The following NAV2 variants were observed in gnomAD, a reference collection of about 807,000 sequenced individuals.
NAV2 encodes the protein neuron navigator 2, also known as helicase, APC down-regulated 1.
Under a neutral mutation model 223.2 loss-of-function variants are expected in NAV2, and 54 were observed. The observed-to-expected ratio is 0.24, with a 90% CI of 0.19 to 0.30. The LOEUF (loss-of-function observed/expected upper bound fraction) is 0.30, where lower values mean the gene tolerates loss of function less well. NAV2 is among the 10% of genes least tolerant of loss of function. The probability of loss-of-function intolerance (pLI) is 1.00; values close to 1 mark genes in which losing one functional copy is unlikely to be tolerated. For missense variants in NAV2, 2,806 were observed against 3,147.5 expected, an observed-to-expected ratio of 0.89 and a Z score of 2.60; for synonymous variants, 1,279 against 1,239.3, an observed-to-expected ratio of 1.03 and a Z score of -0.67.
chr11:19,656,028 G>A (rs2048115402), intron 1 of NAV2, among the ~76,000 whole-genome samples: 1 of 152,164 alleles, frequency 6.6e-6, no homozygotes, highest in Admixed American at 6.5e-5. Flanking sequence ...GCCTCTGCTG[G>A]GGGATTGGGA....
At chr11:19,977,909 A>G (rs1403784772) in intron 10 of NAV2, among the ~76,000 whole-genome samples, 1 of 150,406 alleles carries the variant, frequency 6.6e-6, no homozygotes, top group Admixed American at 6.6e-5. Flanking sequence ...GGTTCAAGCA[A>G]TTCTCCTGCT....
chr11:20,095,646 A>G (rs761351810), intron 29 of NAV2, 26 bp from the exon 30 acceptor site: 3 of 1,531,628 alleles, frequency 2.0e-6, no homozygotes, highest in Non-Finnish European at 1.8e-6. Flanking sequence ...CCTGTTTTTC[A>G]CCTGTGTACA....
At chr11:19,581,443 A>C (rs1213878120) in intron 1 of NAV2, among the ~76,000 whole-genome samples, 1 of 152,180 alleles carries the variant, frequency 6.6e-6, no homozygotes, top group East Asian at 1.9e-4. Flanking sequence ...ATATGTATAC[A>C]TGTGCCATGT....
At chr11:19,882,063 C>T (rs2063248357) in intron 5 of NAV2, among the ~76,000 whole-genome samples, 1 of 152,162 alleles carries the variant, frequency 6.6e-6, no homozygotes, top group South Asian at 2.1e-4. Context: ...GTTTGGACTC[C>T]ATTCTAAGGG....
chr11:20,090,310 G>A (rs1293703976), intron 26 of NAV2, among the ~76,000 whole-genome samples: 1 of 152,114 alleles, frequency 6.6e-6, no homozygotes, highest in Non-Finnish European at 1.5e-5. Flanking sequence ...TACACATGGT[G>A]GGGGAGGGGG....
At chr11:20,068,557 T>G (rs1383201593) in intron 22 of NAV2, among the ~76,000 whole-genome samples, 159 bp downstream of exon 22, 1 of 152,198 alleles carries the variant, frequency 6.6e-6, no homozygotes, top group African/African-American at 2.4e-5. Flanking sequence ...GTTTGGACAC[T>G]TACTGGCTTT....
intron 6 of NAV2, among the ~76,000 whole-genome samples, chr11:19,925,484 C>A (rs1394656394): frequency 6.6e-6 from 1 of 152,190 alleles, no homozygotes; most frequent in African/African-American, 2.4e-5. Flanking sequence ...GGTGTGGTGG[C>A]TTACGCCTGT....
intron 1 of NAV2, among the ~76,000 whole-genome samples, chr11:19,690,215 G>A (rs547671168): frequency 6.8e-4 from 104 of 152,272 alleles, no homozygotes; most frequent in African/African-American, 2.2e-3. Flanking sequence ...ACCCACCTCC[G>A]CCTCCCAAAG....
chr11:20,048,288 C>A (rs1249737345), intron 14 of NAV2, among the ~76,000 whole-genome samples: 1 of 152,174 alleles, frequency 6.6e-6, no homozygotes, highest in African/African-American at 2.4e-5. Flanking sequence ...GAAACCAAAT[C>A]CCTTAGAGTT....
At chr11:19,514,193 T>G (rs1055932266) in intron 1 of NAV2, among the ~76,000 whole-genome samples, 1 of 152,150 alleles carries the variant, frequency 6.6e-6, no homozygotes, top group African/African-American at 2.4e-5. Context: ...ATGATGCTTT[T>G]GTGCAGCTCT....
intron 1 of NAV2, among the ~76,000 whole-genome samples, chr11:19,464,057 T>C (rs1852260678): frequency 6.6e-6 from 1 of 152,188 alleles, no homozygotes; most frequent in Non-Finnish European, 1.5e-5. Context: ...GTGAAAATAT[T>C]TAAGGGATAA....
intron 1 of NAV2, among the ~76,000 whole-genome samples, chr11:19,584,629 G>C (rs1434319799): frequency 6.6e-6 from 1 of 152,082 alleles, no homozygotes; most frequent in Non-Finnish European, 1.5e-5. Flanking sequence ...CCTTCATTTC[G>C]TTATGTACCC....
intron 1 of NAV2, among the ~76,000 whole-genome samples, chr11:19,718,329 C>T (rs1391460363): frequency 2.6e-5 from 4 of 151,780 alleles, no homozygotes; most frequent in African/African-American, 9.7e-5. Context: ...GAAGCAGTTG[C>T]AAGGAAAAAA....
chr11:19,598,837 G>A (rs1175319903), intron 1 of NAV2, among the ~76,000 whole-genome samples: 2 of 152,038 alleles, frequency 1.3e-5, no homozygotes, highest in East Asian at 1.9e-4. Context: ...AATATCCCCC[G>A]TGATTTTTCT....
rs142446045 is a variant in NAV2 at position 19,560,472 on chromosome 11, C to T, written c.75+209445C>T. Among the ~76,000 whole-genome samples, 6 of 152,260 alleles carry T rather than the reference C, an allele frequency of 3.9e-5. No homozygotes were observed. In the East Asian group the frequency reaches 5.8e-4, roughly 15 times the overall value. On this transcript the variant is annotated intron_variant, in intron 1 of 37. Transcript: ENST00000360655. ...AGCCTCAGTGTCTTCGCCTTTATAA[C>T]GAGCAATGTGCCTCAGATGTCTGCT...
chr11:19,692,339 A>G (rs1433760764), intron 1 of NAV2, among the ~76,000 whole-genome samples: 1 of 152,248 alleles, frequency 6.6e-6, no homozygotes, highest in African/African-American at 2.4e-5. Flanking sequence ...AAGCCAGGTC[A>G]TTTGTATGTT....
chr11:19,466,681 AC>A (rs1378287738), intron 1 of NAV2, among the ~76,000 whole-genome samples: 1 of 152,168 alleles, frequency 6.6e-6, no homozygotes, highest in East Asian at 1.9e-4. Flanking sequence ...CACGGGATGA[AC>A]CCAGAGGAGT....
At chr11:19,439,141 T>A (rs1851312463) in intron 1 of NAV2, among the ~76,000 whole-genome samples, 1 of 152,158 alleles carries the variant, frequency 6.6e-6, no homozygotes, top group African/African-American at 2.4e-5. Context: ...GGGGCTTGTA[T>A]GAATAGCAAA....
intron 1 of NAV2, among the ~76,000 whole-genome samples, chr11:19,492,554 T>C (rs1363734564): frequency 1.3e-5 from 2 of 152,054 alleles, no homozygotes; most frequent in African/African-American, 4.8e-5. Context: ...AATCAGAGGG[T>C]AAGCTGGAAG....
Sources: allele counts gnomAD v4.1 joint callset (sites outside exome capture counted in the v4.1 genomes callset), GRCh38; gene constraint gnomAD v4.1.1; transcripts MANE v1.5; gene names NCBI Gene and HGNC (gene_info 2026-07-23, HGNC 2026-07-21).